PODXL2: variants seen among roughly 807,000 people sequenced by gnomAD.
PODXL2 encodes the protein podocalyxin like 2.
In PODXL2, 17 loss-of-function variants were observed where a neutral mutation model predicts 53.4. The observed-to-expected ratio is 0.32, with a 90% CI of 0.22 to 0.48. The LOEUF is 0.48. Ranked by LOEUF, PODXL2 falls within the 20% of genes least tolerant of loss-of-function variation. The pLI is 0.99. For synonymous variants in PODXL2, 311 were observed against 306.7 expected, an observed-to-expected ratio of 1.01 and a Z score of -0.15; for missense variants, 673 against 760.0, an observed-to-expected ratio of 0.89 and a Z score of 1.35.
chr3:127,646,678 G>A (rs889242199), intron 2 of PODXL2, among the ~76,000 whole-genome samples: 4 of 152,168 alleles, frequency 2.6e-5, no homozygotes, highest in Non-Finnish European at 4.4e-5. Context: ...GAGCCACCAC[G>A]CCTGGCTCCA....
Position 127,671,515 on chromosome 3 carries a change from G to T in PODXL2, c.1507G>T (p.Val503Leu). 1 of 1,614,164 alleles carries T rather than the reference G, an allele frequency of 6.2e-7. No homozygotes were observed. The change falls in exon 7 of 8, where the codon GTG (valine) becomes TTG (leucine). Residue 503 changes from valine (V) to leucine (L), a missense_variant. By Grantham distance (32) the Val-to-Leu change is conservative. Coordinates refer to ENST00000342480, the MANE Select transcript of PODXL2 (RefSeq NM_015720.4). The stretch of plus-strand genomic sequence containing the variant: ...GCGCAGCGACTACGGCACGCTCTTC[G>T]TGGTGCTGGTGGTCATTGGGGCCAT... ...QVRSDYGTLF[V>L]VLVVIGAICI...
chr3:127,633,577 A>G (rs1472101734), intron 1 of PODXL2, among the ~76,000 whole-genome samples: 2 of 152,102 alleles, frequency 1.3e-5, no homozygotes, highest in African/African-American at 4.8e-5. Flanking sequence ...CAGTTATTTC[A>G]TTTGTAAAAC....
intron 2 of PODXL2, among the ~76,000 whole-genome samples, chr3:127,650,833 G>T (rs1028390476): frequency 4.6e-5 from 7 of 151,706 alleles, no homozygotes; most frequent in African/African-American, 1.7e-4. Context: ...ATTTTTTTTT[G>T]TATTTTTAGT....
At chr3:127,649,614 C>G (rs773967287) in intron 2 of PODXL2, among the ~76,000 whole-genome samples, 5 of 152,162 alleles carry the variant, frequency 3.3e-5, no homozygotes, top group African/African-American at 4.8e-5. Flanking sequence ...CTTTATATTC[C>G]TTTGATGACT....
At position 127,669,215 on chromosome 3, in the gene PODXL2, G is replaced by A. The variant is rs1162162719; in HGVS notation, c.1425+13G>A. The A allele has an allele frequency of 1.3e-6, 2 of 1,579,170 alleles. No homozygotes were observed. Among genetic ancestry groups the A allele is most frequent in the Non-Finnish European group, 1.7e-6 (2 of 1,153,500 alleles). Reference sequence around the variant, plus strand: ...GAGCCTGGAGGAGGTAAGAGTGCAGGGACCTGGACCTGTTAGCTTCTAATA... The same window carrying A: ...GAGCCTGGAGGAGGTAAGAGTGCAGAGACCTGGACCTGTTAGCTTCTAATA... On this transcript the variant is annotated intron_variant, in intron 6 of 7. Coordinates refer to ENST00000342480, the MANE Select transcript of PODXL2 (RefSeq NM_015720.4).
Position 127,629,251 on chromosome 3 carries a change from C to T in PODXL2, c.32C>T (p.Pro11Leu), listed in dbSNP as rs2074524672. The T allele has an allele frequency of 3.0e-6, 3 of 1,007,784 alleles. No homozygotes were observed. Among genetic ancestry groups the T allele is most frequent in the Non-Finnish European group, 2.4e-6 (2 of 844,946 alleles). 62.4% of individuals were successfully genotyped at this position (1,007,784 alleles called of 1,614,324 possible). A position where few individuals can be genotyped will look rare whatever the true frequency, so the allele number is the denominator to read the frequency against. MGRLLRAARL[P>L]PLLSPLLLLL... The stretch of plus-strand genomic sequence containing the variant: ...CGGCTGCTGCGGGCCGCCCGGCTGC[C>T]GCCGCTGCTTTCGCCGCTGCTGCTT... The change falls in exon 1 of 8, where the codon CCG (proline) becomes CTG (leucine). Residue 11 changes from proline (P) to leucine (L), a missense_variant. Pro to Leu is a moderately conservative substitution (Grantham distance 98). Transcript: ENST00000342480. This position sits in a 1 kb window ranked among gnomAD's most constrained non-coding sequence, Gnocchi z 6.4.
rs567961752 is a variant in PODXL2 at position 127,634,528 on chromosome 3, G to T, written c.71-4717G>T. On this transcript the variant is annotated intron_variant, in intron 1 of 7. Coordinates refer to ENST00000342480, the MANE Select transcript of PODXL2 (RefSeq NM_015720.4). ...ACCTGAGGTCAGGAATTGGAGACTA[G>T]CCTGGCCAACATGGTTAAACTCTAT... Among the ~76,000 whole-genome samples, 256 of 151,420 alleles carry T rather than the reference G, an allele frequency of 1.7e-3. 1 individual carries two copies. Among genetic ancestry groups the T allele is most frequent in the Middle Eastern group, 3.4e-3 (1 of 290 alleles).
At chr3:127,667,433 G>A (rs2074800096) in intron 4 of PODXL2, among the ~76,000 whole-genome samples, 1 of 152,268 alleles carries the variant, frequency 6.6e-6, no homozygotes, top group Non-Finnish European at 1.5e-5. Context: ...GCAGCAGGCT[G>A]TGGAGGCTAC....
At chr3:127,666,268 T>C (rs969223020) in intron 4 of PODXL2, among the ~76,000 whole-genome samples, 1 of 152,160 alleles carries the variant, frequency 6.6e-6, no homozygotes, top group South Asian at 2.1e-4. Flanking sequence ...GCACCTGTGA[T>C]TGAATAAGTA....
intron 2 of PODXL2, among the ~76,000 whole-genome samples, chr3:127,639,805 G>A (rs922220549): frequency 8.5e-5 from 13 of 152,184 alleles, no homozygotes; most frequent in African/African-American, 3.1e-4. Flanking sequence ...TAAGTAATAT[G>A]ACCCCCCTTG....
intron 1 of PODXL2, among the ~76,000 whole-genome samples, chr3:127,631,244 G>C (rs2074543530): frequency 6.6e-6 from 1 of 152,206 alleles, no homozygotes; most frequent in Non-Finnish European, 1.5e-5. Context: ...CCCCTCCCAT[G>C]TTGGTGTCTG....
intron 2 of PODXL2, among the ~76,000 whole-genome samples, chr3:127,644,605 C>T (rs562329828): frequency 1.3e-5 from 2 of 152,304 alleles, no homozygotes; most frequent in East Asian, 1.9e-4. Context: ...CCAGGGGATT[C>T]GTTTCCCTTT....
intron 1 of PODXL2, among the ~76,000 whole-genome samples, chr3:127,635,262 G>A (rs1559872283): frequency 6.6e-6 from 1 of 152,188 alleles, no homozygotes; most frequent in East Asian, 1.9e-4. Flanking sequence ...TACTAACCCT[G>A]TGGCTCAAAC....
At position 127,662,303 on chromosome 3, in the gene PODXL2, A is replaced by G. The variant is rs1366764381; in HGVS notation, c.1198A>G (p.Ile400Val). 6.2e-7 allele frequency: 1 copy of G among 1,613,708 alleles called. No individual in the cohort carries two copies. The highest frequency in any genetic ancestry group is 8.5e-7 in the Non-Finnish European group (1 of 1,179,740). ...NYIILNMTENIDCEVFRQHRG... is the reference protein window; with the variant it reads ...NYIILNMTENVDCEVFRQHRG... ...CATCATTCTGAACATGACAGAGAACATAGACTGTGTGAGTGCCCAGCCAGG... is the reference window on the plus strand; with the variant it reads ...CATCATTCTGAACATGACAGAGAACGTAGACTGTGTGAGTGCCCAGCCAGG... The change falls in exon 4 of 8, where the codon ATA becomes GTA. Residue 400 changes from isoleucine (I) to valine (V), a missense_variant. Physicochemically the swap from Ile to Val is conservative, Grantham distance 29. Around this residue, in one of 3 missense-constraint regions of PODXL2, gnomAD observed 588 missense variants for 668.3 expected, o/e 0.88. Transcript: ENST00000342480.
chr3:127,647,793 A>G (rs890383721), intron 2 of PODXL2, among the ~76,000 whole-genome samples: 1 of 152,212 alleles, frequency 6.6e-6, no homozygotes, highest in African/African-American at 2.4e-5. Flanking sequence ...CCAGCACTTC[A>G]GGAACAGTCA....
chr3:127,643,742 G>A (rs2074635517), intron 2 of PODXL2, among the ~76,000 whole-genome samples: 1 of 151,800 alleles, frequency 6.6e-6, no homozygotes, highest in Admixed American at 6.6e-5. Flanking sequence ...GGGCTCAATC[G>A]ATCCTCCTGC....
At position 127,668,645 on chromosome 3, in the gene PODXL2, G is replaced by A. The variant is rs72967673; in HGVS notation, c.1363+48G>A. 8.7e-4 allele frequency: 1,259 copies of A among 1,445,924 alleles called. 16 individuals carry two copies. The African/African-American group carries it at 0.016, about 18-fold the overall frequency. The allele number at this position is 1,445,924 out of a possible 1,614,324, so 89.6% of individuals were successfully genotyped here. ...AGGGCCCAGGAGGGCAGTGGGAGGC[G>A]GGCGGCCCCTGAGGGTCACGGGAAA... On this transcript the variant is annotated intron_variant, in intron 5 of 7. Coordinates refer to ENST00000342480, the MANE Select transcript of PODXL2 (RefSeq NM_015720.4).
chr3:127,659,078 C>A (rs2074745221), intron 2 of PODXL2, among the ~76,000 whole-genome samples: 2 of 151,166 alleles, frequency 1.3e-5, no homozygotes, highest in South Asian at 4.2e-4. Context: ...AGAAATTTTT[C>A]TTTTTTAAAG....
intron 1 of PODXL2, among the ~76,000 whole-genome samples, chr3:127,630,199 C>T (rs925807794): frequency 6.6e-6 from 1 of 152,216 alleles, no homozygotes; most frequent in African/African-American, 2.4e-5. Flanking sequence ...GAAGGGCTGT[C>T]TGCAAAGGTG....
Sources: gnomAD v4.1 joint callset for allele counts (sites outside exome capture counted in the v4.1 genomes callset) on GRCh38, gnomAD v4.1.1 for gene constraint, gnomAD v4.1.1 regional missense constraint, Gnocchi (gnomAD v3.1) non-coding constraint, MANE v1.5 for transcripts, NCBI Gene and HGNC (gene_info 2026-07-23, HGNC 2026-07-21) for gene names.